The following TASP1 variants were observed in gnomAD, a reference collection of about 807,000 sequenced individuals.
TASP1 encodes threonine aspartase 1.
A neutral mutation model predicts 56.6 loss-of-function variants in TASP1; 16 were observed. That is an observed-to-expected ratio of 0.28 (90% confidence interval 0.19 to 0.43). The LOEUF (loss-of-function observed/expected upper bound fraction) is 0.43. Among genes scored for constraint, TASP1 ranks in the 20% least tolerant of loss-of-function variants. TASP1 has a pLI of 1.00. For synonymous variants in TASP1, 179 were observed against 184.2 expected (o/e 0.97, Z 0.23); for missense variants, 393 against 511.6 (o/e 0.77, Z 2.24).
chr20:13,637,352 T>C (rs1044635923), intron 1 of TASP1, among the ~76,000 whole-genome samples: 4 of 152,154 alleles, frequency 2.6e-5, no homozygotes, highest in East Asian at 1.9e-4. Flanking sequence ...AAGTTAAACA[T>C]AGAGTTACCA....
At chr20:13,178,029 T>C in the TASP1 span, among the ~76,000 whole-genome samples, 1 of 151,912 alleles carries the variant, frequency 6.6e-6, no homozygotes, top group Admixed American at 6.6e-5. Context: ...ATATCCAGAA[T>C]ATACAAGGAA....
At chr20:13,294,309 TC>T in the TASP1 span, among the ~76,000 whole-genome samples, 2 of 152,132 alleles carry the variant, frequency 1.3e-5, no homozygotes, top group Non-Finnish European at 2.9e-5. Context: ...ATCCCTCCAA[TC>T]CCTTCACACA....
intron 11 of TASP1, among the ~76,000 whole-genome samples, chr20:13,438,811 A>T (rs921286164): frequency 6.6e-6 from 1 of 152,202 alleles, no homozygotes; most frequent in Non-Finnish European, 1.5e-5. Context: ...ATTTACAAGA[A>T]AAAAACAAAC....
the TASP1 span, among the ~76,000 whole-genome samples, chr20:13,253,132 G>C: frequency 6.6e-6 from 1 of 152,168 alleles, no homozygotes; most frequent in Admixed American, 6.5e-5. Context: ...AAGCAGACCT[G>C]GCAAAGCTAG....
the TASP1 span, among the ~76,000 whole-genome samples, chr20:13,176,108 T>G: frequency 6.6e-6 from 1 of 152,118 alleles, no homozygotes; most frequent in Non-Finnish European, 1.5e-5. Context: ...TAAAAGAAAA[T>G]TATTGAGAAT....
At chr20:13,402,935 C>A (rs6134862) in intron 13 of TASP1, among the ~76,000 whole-genome samples, 1 of 152,148 alleles carries the variant, frequency 6.6e-6, no homozygotes, top group South Asian at 2.1e-4. Context: ...AATATTCTCC[C>A]TTCTTCTTTC....
At chr20:13,621,997 T>C (rs970446288) in intron 4 of TASP1, among the ~76,000 whole-genome samples, 2 of 152,222 alleles carry the variant, frequency 1.3e-5, no homozygotes, top group African/African-American at 4.8e-5. Flanking sequence ...TACATCTATC[T>C]TCTTTCTTAT....
At chr20:13,175,058 C>T in the TASP1 span, among the ~76,000 whole-genome samples, 2 of 152,184 alleles carry the variant, frequency 1.3e-5, no homozygotes, top group African/African-American at 4.8e-5. Context: ...CCTCCCCAGT[C>T]ATGTGGAACT....
Position 13,629,256 on chromosome 20 carries a change from C to G in TASP1, c.145+678G>C, listed in dbSNP as rs201391473. Among the ~76,000 whole-genome samples the G allele has an allele frequency of 3.3e-5, 5 of 150,424 alleles. No homozygotes were observed. In the East Asian group the frequency reaches 8.1e-4, roughly 24 times the overall value. Reference sequence around the variant, plus strand: ...GTGGACGTCTGTAATCCCAGCTACTCAAGAGGCTGAGGCAGGTGAATTGCT... The same window carrying G: ...GTGGACGTCTGTAATCCCAGCTACTGAAGAGGCTGAGGCAGGTGAATTGCT... On this transcript the variant is annotated intron_variant, in intron 2 of 13. Coordinates refer to ENST00000337743, the MANE Select transcript of TASP1 (RefSeq NM_017714.3).
At chr20:13,251,610 A>G in the TASP1 span, among the ~76,000 whole-genome samples, 1 of 152,246 alleles carries the variant, frequency 6.6e-6, no homozygotes, top group Non-Finnish European at 1.5e-5. Context: ...GGTAGAGATC[A>G]TAAGACTTTC....
chr20:13,576,350 A>AAAGAAAAGAGAAAGAAAGAAAGG (rs1568603014), intron 6 of TASP1, among the ~76,000 whole-genome samples: 3 of 94,814 alleles, frequency 3.2e-5, no homozygotes, highest in African/African-American at 9.5e-5. Flanking sequence ...AGGAAGAAAG[A>AAAGAAAAGAGAAAGAAAGAAAGG]AAGAAAGAAA....
intron 11 of TASP1, among the ~76,000 whole-genome samples, chr20:13,459,969 T>C (rs1325008759): frequency 6.6e-6 from 1 of 152,162 alleles, no homozygotes; most frequent in Non-Finnish European, 1.5e-5. Flanking sequence ...TTGTCTTCTA[T>C]ATAGACAAGA....
chr20:13,190,609 G>C, the TASP1 span, among the ~76,000 whole-genome samples: 1 of 152,064 alleles, frequency 6.6e-6, no homozygotes, highest in Non-Finnish European at 1.5e-5. Context: ...TTAAATGTAA[G>C]ACCTGAAAAT....
chr20:13,476,295 A>C (rs1357905344), intron 11 of TASP1, among the ~76,000 whole-genome samples: 4 of 152,114 alleles, frequency 2.6e-5, no homozygotes, highest in African/African-American at 9.7e-5. Flanking sequence ...CTGACAGTGT[A>C]CTCCTTCAGA....
chr20:13,528,906 A>T (rs893100012), intron 9 of TASP1, among the ~76,000 whole-genome samples: 1 of 152,084 alleles, frequency 6.6e-6, no homozygotes, highest in African/African-American at 2.4e-5. Flanking sequence ...GAGCTTACTG[A>T]TAAGAACCCT....
At chr20:13,352,404 T>C in the TASP1 span, among the ~76,000 whole-genome samples, 1 of 146,324 alleles carries the variant, frequency 6.8e-6, no homozygotes, top group African/African-American at 2.6e-5. Flanking sequence ...AAGCCAAGAA[T>C]GCACCACTGA....
the TASP1 span, among the ~76,000 whole-genome samples, chr20:13,283,842 G>A: frequency 1.3e-5 from 2 of 152,186 alleles, no homozygotes; most frequent in Non-Finnish European, 2.9e-5. Flanking sequence ...TATTTTAATA[G>A]ATTTCACAGT....
the TASP1 span, among the ~76,000 whole-genome samples, chr20:13,191,468 T>TA: frequency 6.6e-6 from 1 of 152,194 alleles, no homozygotes; most frequent in Non-Finnish European, 1.5e-5. Flanking sequence ...GATATCATGT[T>TA]AAGTGAAATA....
chr20:13,296,391 G>T, the TASP1 span, among the ~76,000 whole-genome samples: 2 of 152,162 alleles, frequency 1.3e-5, no homozygotes, highest in Admixed American at 6.5e-5. Context: ...AAACAAATCC[G>T]GACTCAGTAA....
Sources: allele counts gnomAD v4.1 joint callset (sites outside exome capture counted in the v4.1 genomes callset), GRCh38; gene constraint gnomAD v4.1.1; transcripts MANE v1.5; gene names NCBI Gene and HGNC (gene_info 2026-07-23, HGNC 2026-07-21).